Variants in COL27A1 observed in about 807,000 individuals in gnomAD.
COL27A1 encodes collagen type XXVII alpha 1 chain.
A neutral mutation model predicts 251.3 loss-of-function variants in COL27A1; 106 were observed. The observed-to-expected ratio is 0.42, with a 90% CI of 0.36 to 0.50. The LOEUF (loss-of-function observed/expected upper bound fraction) is 0.50, where lower values mean the gene tolerates loss of function less well. Ranked by LOEUF, COL27A1 falls within the 20% of genes least tolerant of loss-of-function variation. The probability of loss-of-function intolerance (pLI) is 0.00; values close to 1 mark genes in which losing one functional copy is unlikely to be tolerated. For missense variants in COL27A1, 2,325 were observed against 2,522.8 expected (o/e 0.92, Z 1.68); for synonymous variants, 1,000 against 986.3 (o/e 1.01, Z -0.26).
Position 114,168,625 on chromosome 9 carries a change from A to G in COL27A1, c.1070A>G (p.Gln357Arg). The G allele has an allele frequency of 1.2e-6, 2 of 1,614,164 alleles. No homozygotes were observed. The highest frequency in any genetic ancestry group is 1.7e-6 in the Non-Finnish European group (2 of 1,180,018). ...TPRPAAAQPS[Q>R]KITATKIPKS... is the part of the protein sequence containing the mutation. ...CGCCCTGCGGCCGCTCAACCATCAC[A>G]GAAGATCACAGCCACCAAAATCCCC... The change falls in exon 3 of 61, where the codon CAG becomes CGG. Residue 357 changes from glutamine to arginine, a missense_variant. This residue lies in a region of COL27A1 where 1,183 missense variants were observed against 1,144.1 expected (regional missense o/e 1.03). Transcript: ENST00000356083.
chr9:114,176,524 C>T (rs1827450326), intron 3 of COL27A1, among the ~76,000 whole-genome samples: 1 of 147,212 alleles, frequency 6.8e-6, no homozygotes, highest in African/African-American at 2.5e-5. Flanking sequence ...TCAAAGCCAC[C>T]CAGATAGTAG....
At chr9:114,288,350 C>T in intron 41 of COL27A1, 105 bp from the exon 42 acceptor site, 1 of 1,204,558 alleles carries the variant, frequency 8.3e-7, no homozygotes, top group African/African-American at 1.5e-5. Flanking sequence ...CATCTGTAAC[C>T]CTAAGCAGGC....
chr9:114,198,442 C>T (rs1829314480), intron 7 of COL27A1, among the ~76,000 whole-genome samples: 1 of 152,176 alleles, frequency 6.6e-6, no homozygotes. Context: ...GAGCTCAAGC[C>T]CCATCGTGGT....
At position 114,310,767 on chromosome 9, in the gene COL27A1, G is replaced by T; in HGVS notation, c.*72G>T. 6.5e-7 allele frequency: 1 copy of T among 1,542,108 alleles called. No homozygotes were observed. Among genetic ancestry groups the T allele is most frequent in the Non-Finnish European group, 8.9e-7 (1 of 1,125,472 alleles). On this transcript the variant is annotated 3_prime_UTR_variant, in exon 61 of 61. Transcript: ENST00000356083. The stretch of plus-strand genomic sequence containing the variant: ...AAGAGGCAAGGGGAGGGTACTGAGG[G>T]GCAGATGGCTCCAGGAGAGGCAGCT...
At chr9:114,205,043 C>T (rs936264999) in intron 7 of COL27A1, 59 bp from the exon 8 acceptor site, 25 of 1,552,440 alleles carry the variant, frequency 1.6e-5, no homozygotes, top group Admixed American at 3.3e-5. Context: ...TGGGCCCTTG[C>T]GATCTCCAGG....
Position 114,304,680 on chromosome 9 carries a change from C to A in COL27A1, c.4938+7C>A. 1.2e-6 allele frequency: 2 copies of A among 1,613,362 alleles called. No homozygotes were observed. Among genetic ancestry groups the A allele is most frequent in the East Asian group, 4.5e-5 (2 of 44,886 alleles). On this transcript the variant is annotated splice_region_variant and intron_variant, in intron 57 of 60. Coordinates refer to ENST00000356083, the MANE Select transcript of COL27A1 (RefSeq NM_032888.4). ...TGGAGCACTCAGGCCAGAGGTATCT[C>A]CAGGGGCTCTCCCCATGTGGGATCC...
At chr9:114,161,783 A>C (rs985495699) in intron 1 of COL27A1, among the ~76,000 whole-genome samples, 2 of 152,196 alleles carry the variant, frequency 1.3e-5, no homozygotes, top group Non-Finnish European at 2.9e-5. Context: ...TCCCACAGGA[A>C]GGTGAAATTG....
chr9:114,311,056 G>A lies in COL27A1; in HGVS notation c.*361G>A, dbSNP rs924654195. The A allele has an allele frequency of 3.5e-5, 8 of 228,176 alleles. No individual in the cohort carries two copies. Among genetic ancestry groups the A allele is most frequent in the African/African-American group, 1.1e-4 (5 of 44,820 alleles). The allele number at this position is 228,176 out of a possible 1,614,324, so 14.1% of individuals were successfully genotyped here. A position where few individuals can be genotyped will look rare whatever the true frequency, so the allele number is the denominator to read the frequency against. ...CCAACTTGAGGGAAGGGGGCGTCTC[G>A]TCAGCTGGTCCCTGCTAGGGAGCTA... is the stretch of plus-strand genomic sequence containing the variant. On this transcript the variant is annotated 3_prime_UTR_variant, in exon 61 of 61. Transcript: ENST00000356083.
At position 114,302,097 on chromosome 9, in the gene COL27A1, C is replaced by T. The variant is rs772609061; in HGVS notation, c.4861C>T (p.Pro1621Ser). 33 of 1,612,850 alleles carry T rather than the reference C, an allele frequency of 2.0e-5. No homozygotes were observed. Among genetic ancestry groups the T allele is most frequent in the African/African-American group, 4.0e-5 (3 of 75,036 alleles). ...RPGPPGPPGG[P>S]IQLQQDDLGA... is the part of the protein sequence containing the mutation. ...TCTTTTGCAGGGTCCTCCAGGGGGT[C>T]CTATCCAATTGGTAAGTTGGAAACC... The change falls in exon 56 of 61, where the codon CCT becomes TCT. Residue 1621 changes from proline to serine, a missense_variant. By Grantham distance (74) the Pro-to-Ser change is moderately conservative. Around this residue, in one of 4 missense-constraint regions of COL27A1, gnomAD observed 327 missense variants for 442.8 expected, o/e 0.74. Coordinates refer to ENST00000356083, the MANE Select transcript of COL27A1 (RefSeq NM_032888.4).
chr9:114,251,113 A>G lies in COL27A1; in HGVS notation c.3033+445A>G, dbSNP rs139305604. 2.3e-4 allele frequency among the ~76,000 whole-genome samples: 35 copies of G among 152,254 alleles called. No individual in the cohort carries two copies. In the East Asian group the frequency reaches 6.2e-3, roughly 27 times the overall value. On this transcript the variant is annotated intron_variant, in intron 25 of 60. Coordinates refer to ENST00000356083, the MANE Select transcript of COL27A1 (RefSeq NM_032888.4). Reference sequence around the variant, plus strand: ...TAATAAGTGGCAGTGCTGAGATTTGAACCAGGTTCATTGCCAAAGGTTAGC... The same window carrying G: ...TAATAAGTGGCAGTGCTGAGATTTGGACCAGGTTCATTGCCAAAGGTTAGC...
intron 5 of COL27A1, among the ~76,000 whole-genome samples, chr9:114,191,473 A>G (rs1414542486): frequency 1.3e-5 from 2 of 151,900 alleles, no homozygotes; most frequent in Admixed American, 6.6e-5. Flanking sequence ...CAGTGCGTCC[A>G]TGTGTTCTCA....
Position 114,257,275 on chromosome 9 carries a change from T to C in COL27A1, c.3142-1266T>C, listed in dbSNP as rs188845137. Among the ~76,000 whole-genome samples the C allele has an allele frequency of 2.2e-5, 3 of 137,120 alleles. No homozygotes were observed. In the Admixed American group the frequency reaches 2.6e-4, roughly 12 times the overall value. 90.0% of individuals were successfully genotyped at this position (137,120 alleles called of 152,430 possible). ...CCCAGTCTGAGAATTGCTGCGGAGC[T>C]GGGAGGCTCCTGGAGCTGGCAGAGG... is the stretch of plus-strand genomic sequence containing the variant. On this transcript the variant is annotated intron_variant, in intron 27 of 60. Transcript: ENST00000356083.
intron 45 of COL27A1, 117 bp downstream of exon 45, chr9:114,289,412 G>A: frequency 1.0e-6 from 1 of 1,003,724 alleles, no homozygotes; most frequent in South Asian, 1.7e-5. Context: ...GGTAGGGAGG[G>A]GCGGCCCACC....
intron 1 of COL27A1, among the ~76,000 whole-genome samples, chr9:114,157,919 G>A (rs1476577724): frequency 6.6e-6 from 1 of 152,214 alleles, no homozygotes; most frequent in Non-Finnish European, 1.5e-5. Flanking sequence ...ACAGGGCCTG[G>A]CATGTAATAA....
intron 12 of COL27A1, among the ~76,000 whole-genome samples, chr9:114,211,362 C>T (rs1211181306): frequency 6.6e-6 from 1 of 152,200 alleles, no homozygotes; most frequent in Non-Finnish European, 1.5e-5. Flanking sequence ...GGGACCTTGG[C>T]TAGACCAGGT....
chr9:114,300,973 C>T, intron 51 of COL27A1, 99 bp from the exon 52 acceptor site: 1 of 1,198,686 alleles, frequency 8.3e-7, no homozygotes, highest in Non-Finnish European at 1.2e-6. Flanking sequence ...GGTCTCCCTT[C>T]TACTCCCTTG....
rs200523852 is a variant in COL27A1 at position 114,309,463 on chromosome 9, C to T, written c.5421C>T (p.Ser1807=). The change falls in exon 60 of 61, where the codon TCC becomes TCT. Residue 1807 remains serine (S), a synonymous_variant. Coordinates refer to ENST00000356083, the MANE Select transcript of COL27A1 (RefSeq NM_032888.4). ...EAGGQFRPEV[S]MDGCKVQDGR... ...GGGGTCAGTTCCGGCCCGAGGTGTC[C>T]ATGGATGGCTGCAAGGTAACTCTCA... is the stretch of plus-strand genomic sequence containing the variant. 3.7e-5 allele frequency: 60 copies of T among 1,613,664 alleles called. 1 individual carries two copies. In the East Asian group the frequency reaches 1.1e-3, roughly 29 times the overall value.
intron 41 of COL27A1, 64 bp from the exon 42 acceptor site, chr9:114,288,391 T>C (rs1156317417): frequency 3.2e-6 from 5 of 1,539,906 alleles, no homozygotes; most frequent in Non-Finnish European, 4.4e-6. Flanking sequence ...GCGCTTTCCG[T>C]CTGGAATTCC....
At chr9:114,304,494 G>A (rs1828886218) in intron 56 of COL27A1, 114 bp from the exon 57 acceptor site, 4 of 871,316 alleles carry the variant, frequency 4.6e-6, no homozygotes, top group Non-Finnish European at 5.8e-6. Context: ...GTTCTGCAGA[G>A]GGCATATGAC....
Sources: allele counts gnomAD v4.1 joint callset (sites outside exome capture counted in the v4.1 genomes callset), GRCh38; gene constraint gnomAD v4.1.1; regional missense constraint gnomAD v4.1.1; transcripts MANE v1.5; gene names NCBI Gene and HGNC (gene_info 2026-07-23, HGNC 2026-07-21).